Variants in CC2D2B observed in about 807,000 individuals in gnomAD.
The protein encoded by CC2D2B is coiled-coil and C2 domain containing 2B, also known as protein CC2D2B.
In CC2D2B, 128 loss-of-function variants were observed where a neutral mutation model predicts 161.2. The observed-to-expected ratio is 0.79, with a 90% CI of 0.69 to 0.92. The LOEUF is 0.92. Ranked by LOEUF, CC2D2B falls within the 40% of genes least tolerant of loss-of-function variation. CC2D2B has a pLI of 0.00. For missense variants in CC2D2B, 1,173 were observed against 1,375.1 expected (o/e 0.85, Z 2.32); for synonymous variants, 391 against 449.8 (o/e 0.87, Z 1.65).
At chr10:95,932,681 T>G (rs536444504) in intron 6 of CC2D2B, among the ~76,000 whole-genome samples, 2 of 152,348 alleles carry the variant, frequency 1.3e-5, no homozygotes, top group South Asian at 4.1e-4. Context: ...TGAAAATTCT[T>G]TTCTTTAAGA....
At chr10:95,970,640 T>A (rs893533648) in intron 15 of CC2D2B, among the ~76,000 whole-genome samples, 1 of 152,186 alleles carries the variant, frequency 6.6e-6, no homozygotes, top group South Asian at 2.1e-4. Flanking sequence ...TCCAAGAACC[T>A]GGGTTTGACA....
chr10:95,912,629 G>A (rs1033338405), intron 2 of CC2D2B, among the ~76,000 whole-genome samples: 12 of 152,032 alleles, frequency 7.9e-5, no homozygotes, highest in African/African-American at 2.9e-4. Context: ...CACGCTGCAG[G>A]GTAATAAATC....
Position 95,993,884 on chromosome 10 carries a change from T to G in CC2D2B, c.2642+1187T>G, listed in dbSNP as rs754865093. On this transcript the variant is annotated intron_variant, in intron 22 of 34. Transcript: ENST00000646931. The stretch of plus-strand genomic sequence containing the variant: ...GAGAGAGAGAGAGTGTATATATATA[T>G]ATATAGAGAGAGAGAATGTGTGTGT... Among the ~76,000 whole-genome samples the G allele has an allele frequency of 6.2e-3, 543 of 87,180 alleles. 12 individuals are homozygous for G. The highest frequency in any genetic ancestry group is 8.9e-3 in the Admixed American group (77 of 8,652). 57.2% of individuals were successfully genotyped at this position (87,180 alleles called of 152,430 possible).
intron 17 of CC2D2B, among the ~76,000 whole-genome samples, chr10:95,978,126 GA>G (rs1173229427): frequency 6.6e-6 from 1 of 152,090 alleles, no homozygotes; most frequent in Non-Finnish European, 1.5e-5. Context: ...TTTGAGCCAT[GA>G]AAAAAATTTT....
rs2075921372 is a variant in CC2D2B, at chr10:95,938,877, T to G, written c.753T>G (p.Asn251Lys). Residue 251 changes from asparagine to lysine, a missense_variant, in exon 9 of 35, where the codon AAT (asparagine) becomes AAG (lysine). Asn to Lys is a moderately conservative substitution (Grantham distance 94, BLOSUM62 0). This residue lies in a region of CC2D2B where 298 missense variants were observed against 261.2 expected (regional missense o/e 1.14). Coordinates refer to ENST00000646931, the MANE Select transcript of CC2D2B (RefSeq NM_001349008.3). ...AACAGTCATGGAATTTCAGACTAAA[T>G]GTAAGGAAGGAACCTTTAAATCCAT... is the stretch of plus-strand genomic sequence containing the variant. ...PIKQSWNFRL[N>K]VRKEPLNPLL... The G allele has an allele frequency of 5.6e-6, 4 of 715,022 alleles. No homozygotes were observed. The East Asian group carries it at 1.1e-4, about 19-fold the overall frequency. 44.3% of individuals were successfully genotyped at this position (715,022 alleles called of 1,614,324 possible). A position where few individuals can be genotyped will look rare whatever the true frequency, so the allele number is the denominator to read the frequency against.
In CC2D2B at chr10:95,938,152, A is replaced by AT; in HGVS notation, c.498_499insT (p.Gln167SerfsTer10). ...AAGATGATCAAGAACAAATAAAAAAACAGAAGGCAAATATTTTTGTACCAA... is the reference window on the plus strand; with the variant it reads ...AAGATGATCAAGAACAAATAAAAAAATCAGAAGGCAAATATTTTTGTACCAA... On this transcript the variant is annotated frameshift_variant, in exon 7 of 35. Transcript: ENST00000646931. LOFTEE classifies it high-confidence loss of function. 1.3e-6 allele frequency: 2 copies of AT among 1,550,504 alleles called. No homozygotes were observed. Among genetic ancestry groups the AT allele is most frequent in the Non-Finnish European group, 1.7e-6 (2 of 1,146,226 alleles).
chr10:96,019,022 G>T (rs542170814), intron 30 of CC2D2B, 181 bp from the exon 31 acceptor site: 129 of 510,104 alleles, frequency 2.5e-4, no homozygotes, highest in Middle Eastern at 5.4e-4. Flanking sequence ...GCCCAGGCTG[G>T]TCTCAAACTC....
At chr10:96,024,338 A>C (rs1331483696) in intron 32 of CC2D2B, among the ~76,000 whole-genome samples, 1 of 152,228 alleles carries the variant, frequency 6.6e-6, no homozygotes, top group Admixed American at 6.5e-5. Context: ...ACAAATAATC[A>C]AAGAAGGAAG....
chr10:96,020,648 G>C (rs1215571401), intron 32 of CC2D2B: 1 of 152,128 alleles, frequency 6.6e-6, no homozygotes, highest in African/African-American at 2.4e-5. Flanking sequence ...GAGAGCAAAA[G>C]AACAATAGAA....
chr10:95,952,539 A>AT (rs1325505362), intron 10 of CC2D2B: 1 of 151,994 alleles, frequency 6.6e-6, no homozygotes, highest in Non-Finnish European at 1.5e-5. Context: ...TACCATATGT[A>AT]TTATTTGGCA....
At chr10:95,928,106 G>A (rs1375064520) in intron 6 of CC2D2B, among the ~76,000 whole-genome samples, 3 of 151,928 alleles carry the variant, frequency 2.0e-5, no homozygotes, top group Non-Finnish European at 4.4e-5. Flanking sequence ...AGGTCCCCCT[G>A]TCAAGTCCCT....
At chr10:95,977,855 A>T (rs1200021011) in intron 17 of CC2D2B, among the ~76,000 whole-genome samples, 1 of 152,306 alleles carries the variant, frequency 6.6e-6, no homozygotes, top group East Asian at 1.9e-4. Flanking sequence ...CTCTCTGATA[A>T]TATTGAAATA....
chr10:96,029,302 A>C (rs1322487671), intron 34 of CC2D2B, among the ~76,000 whole-genome samples: 4 of 124,890 alleles, frequency 3.2e-5, no homozygotes, highest in East Asian at 2.4e-4. Context: ...ATATATATAT[A>C]TATGTATATC....
chr10:96,000,158 A>ACC, intron 24 of CC2D2B: 1 of 1,457,450 alleles, frequency 6.9e-7, no homozygotes, highest in Non-Finnish European at 9.1e-7. Context: ...ATTCGCATAT[A>ACC]CATGGCCAAA....
chr10:95,974,076 C>G lies in CC2D2B; in HGVS notation c.1863C>G (p.Ser621Arg). 1 of 1,230,410 alleles carries G rather than the reference C, an allele frequency of 8.1e-7. No homozygotes were observed. Among genetic ancestry groups the G allele is most frequent in the Non-Finnish European group, 1.0e-6 (1 of 986,414 alleles). 76.2% of individuals were successfully genotyped at this position (1,230,410 alleles called of 1,614,324 possible). A position where few individuals can be genotyped will look rare whatever the true frequency, so the allele number is the denominator to read the frequency against. Residue 621 changes from serine (S) to arginine (R), a missense_variant, in exon 17 of 35, where the codon AGC (serine) becomes AGG (arginine). This residue lies in a region of CC2D2B where 277 missense variants were observed against 420.6 expected (regional missense o/e 0.66). Coordinates refer to ENST00000646931, the MANE Select transcript of CC2D2B (RefSeq NM_001349008.3). ...ELCLLTSGKL[S>R]YSLSWSLDEN... ...GTCTTTTGACATCAGGAAAACTTAG[C>G]TATTCTCTATCATGGAGCTTAGATG...
chr10:95,935,827 C>T (rs952496042), intron 6 of CC2D2B, among the ~76,000 whole-genome samples: 1 of 152,160 alleles, frequency 6.6e-6, no homozygotes, highest in African/African-American at 2.4e-5. Flanking sequence ...CCAACCTACC[C>T]AGCCCAGCAT....
intron 6 of CC2D2B, among the ~76,000 whole-genome samples, chr10:95,932,955 G>A (rs2075664943): frequency 1.3e-5 from 2 of 152,036 alleles, no homozygotes; most frequent in African/African-American, 4.8e-5. Context: ...AGTTCTCTTG[G>A]ATAATATCCT....
At chr10:95,980,656 T>C (rs939203221) in intron 17 of CC2D2B, among the ~76,000 whole-genome samples, 5 of 152,152 alleles carry the variant, frequency 3.3e-5, no homozygotes, top group African/African-American at 1.2e-4. Flanking sequence ...AAGAAGAATA[T>C]GCAAACTTCA....
intron 34 of CC2D2B, among the ~76,000 whole-genome samples, chr10:96,028,253 A>G (rs2079869080): frequency 6.6e-6 from 1 of 152,252 alleles, no homozygotes; most frequent in Non-Finnish European, 1.5e-5. Context: ...ACCAGAATAT[A>G]TAAGGGGCCC....
Sources: allele counts gnomAD v4.1 joint callset (sites outside exome capture counted in the v4.1 genomes callset), GRCh38; gene constraint gnomAD v4.1.1; regional missense constraint gnomAD v4.1.1; transcripts MANE v1.5; gene names NCBI Gene and HGNC (gene_info 2026-07-23, HGNC 2026-07-21).